The following SLC2A13 variants were observed in gnomAD, a reference collection of about 807,000 sequenced individuals.
SLC2A13 encodes proton myo-inositol cotransporter.
A neutral mutation model predicts 64.4 loss-of-function variants in SLC2A13; 32 were observed. The ratio of observed to expected loss-of-function variants is 0.50; its 90% CI spans 0.37 to 0.67. SLC2A13 has a LOEUF of 0.67. Among genes scored for constraint, SLC2A13 ranks in the 30% least tolerant of loss-of-function variants. SLC2A13 has a pLI of 0.00. For missense variants in SLC2A13, 743 were observed against 829.2 expected, an observed-to-expected ratio of 0.90 and a Z score of 1.28; for synonymous variants, 338 against 327.1, an observed-to-expected ratio of 1.03 and a Z score of -0.36.
At chr12:39,865,434 G>A (rs543188773) in intron 5 of SLC2A13, among the ~76,000 whole-genome samples, 1 of 152,152 alleles carries the variant, frequency 6.6e-6, no homozygotes, top group Non-Finnish European at 1.5e-5. Flanking sequence ...TAAAGTACCA[G>A]AAATAATATA....
chr12:39,959,371 G>T (rs1946370672), intron 3 of SLC2A13, among the ~76,000 whole-genome samples: 1 of 152,222 alleles, frequency 6.6e-6, no homozygotes, highest in Non-Finnish European at 1.5e-5. Context: ...CAATCAATTT[G>T]CCAAGATGTT....
At chr12:40,040,568 T>C (rs1160825800) in intron 2 of SLC2A13, among the ~76,000 whole-genome samples, 1 of 152,200 alleles carries the variant, frequency 6.6e-6, no homozygotes, top group Non-Finnish European at 1.5e-5. Context: ...TTTTTCTATT[T>C]TTTGGTAGAG....
intron 1 of SLC2A13, among the ~76,000 whole-genome samples, chr12:40,086,526 T>A (rs1380822077): frequency 6.6e-6 from 1 of 152,200 alleles, no homozygotes; most frequent in East Asian, 1.9e-4. Context: ...TAGCTACATG[T>A]CTATTTCATC....
intron 7 of SLC2A13, among the ~76,000 whole-genome samples, chr12:39,775,921 A>G (rs950483501): frequency 7.2e-5 from 11 of 152,334 alleles, no homozygotes; most frequent in African/African-American, 2.2e-4. Flanking sequence ...AAATGCTCCA[A>G]TGAGCGTTTC....
chr12:39,812,401 TCTTCCTTCCTTC>T (rs140557088), intron 7 of SLC2A13, among the ~76,000 whole-genome samples: 5 of 143,148 alleles, frequency 3.5e-5, no homozygotes, highest in South Asian at 2.2e-4. Flanking sequence ...TCTCTCTCTT[TCTTCCTTCCTTC>T]CTTCCTTCCT....
At chr12:39,870,551 G>T (rs748308230) in intron 5 of SLC2A13, among the ~76,000 whole-genome samples, 13 of 152,136 alleles carry the variant, frequency 8.5e-5, no homozygotes, top group Non-Finnish European at 1.8e-4. Context: ...CCTTTAGTCT[G>T]TTCTCCAGGC....
At position 39,852,643 on chromosome 12, in the gene SLC2A13, G is replaced by C. The variant is rs373408192; in HGVS notation, c.1319+12119C>G. Among the ~76,000 whole-genome samples, 97 of 152,242 alleles carry C rather than the reference G, an allele frequency of 6.4e-4. No individual in the cohort carries two copies. In the South Asian group the frequency reaches 0.018, roughly 28 times the overall value. ...TAAGGCTGATTCATGCTGACTTCTA[G>C]AACTAAATCAAAAGGAAAACCCCAA... On this transcript the variant is annotated intron_variant, in intron 6 of 9. Coordinates refer to ENST00000280871, the MANE Select transcript of SLC2A13 (RefSeq NM_052885.4).
At chr12:39,878,258 A>G (rs894125343) in intron 4 of SLC2A13, among the ~76,000 whole-genome samples, 1 of 152,230 alleles carries the variant, frequency 6.6e-6, no homozygotes, top group African/African-American at 2.4e-5. Context: ...AAAATACCTG[A>G]AAATGTGGAA....
At chr12:39,781,606 G>T (rs1433626059) in intron 7 of SLC2A13, among the ~76,000 whole-genome samples, 2 of 152,198 alleles carry the variant, frequency 1.3e-5, no homozygotes, top group Non-Finnish European at 2.9e-5. Context: ...AGGAGAGAAT[G>T]AATAAGTCAT....
intron 9 of SLC2A13, among the ~76,000 whole-genome samples, chr12:39,761,168 G>A (rs1940130263): frequency 6.6e-6 from 1 of 151,954 alleles, no homozygotes; most frequent in African/African-American, 2.4e-5. Flanking sequence ...GGAGTGGGAA[G>A]AACTGAGTTT....
intron 6 of SLC2A13, among the ~76,000 whole-genome samples, chr12:39,844,514 A>C (rs981803293): frequency 6.6e-6 from 1 of 152,112 alleles, no homozygotes; most frequent in Non-Finnish European, 1.5e-5. Flanking sequence ...ATAAAAGTTC[A>C]AAAGCAACTC....
intron 4 of SLC2A13, among the ~76,000 whole-genome samples, chr12:39,946,929 T>C (rs1034486204): frequency 2.0e-5 from 3 of 152,328 alleles, no homozygotes; most frequent in African/African-American, 4.8e-5. Context: ...TTCTTCTCCC[T>C]GTGGACTTTT....
At chr12:39,762,119 G>A (rs1444680916) in intron 9 of SLC2A13, among the ~76,000 whole-genome samples, 2 of 152,018 alleles carry the variant, frequency 1.3e-5, no homozygotes, top group African/African-American at 4.8e-5. Flanking sequence ...TGCCAAAACT[G>A]CCTACTCAGT....
At chr12:39,856,864 T>G (rs920889337) in intron 6 of SLC2A13, among the ~76,000 whole-genome samples, 1 of 152,236 alleles carries the variant, frequency 6.6e-6, no homozygotes, top group Non-Finnish European at 1.5e-5. Flanking sequence ...AATTAAAGAA[T>G]AGTTAAGTTT....
intron 4 of SLC2A13, among the ~76,000 whole-genome samples, chr12:39,877,249 A>G (rs1261523317): frequency 6.6e-6 from 1 of 152,186 alleles, no homozygotes; most frequent in Non-Finnish European, 1.5e-5. Context: ...ATGGCTAGGG[A>G]GGCCTCACAA....
rs745643692 is a variant in SLC2A13 at position 39,951,289 on chromosome 12, C to T, written c.1002G>A (p.Met334Ile). 1.2e-5 allele frequency: 20 copies of T among 1,613,452 alleles called. No homozygotes were observed. The highest frequency in any genetic ancestry group is 1.7e-5 in the Admixed American group (1 of 59,938). Residue 334 changes from methionine (M) to isoleucine (I), a missense_variant, in exon 4 of 10, where the codon ATG becomes ATA. Physicochemically the swap from Met to Ile is conservative, Grantham distance 10. Around this residue, in one of 2 missense-constraint regions of SLC2A13, gnomAD observed 295 missense variants for 381.7 expected, o/e 0.77. Transcript: ENST00000280871. ...RALIVGCGLQ[M>I]FQQLSGINTI... is the part of the protein sequence containing the mutation. ...TGTTAATGCCTGAGAGCTGCTGGAACATTTGTAGGCCACAACCCACAATTA... is the reference window on the plus strand; with the variant it reads ...TGTTAATGCCTGAGAGCTGCTGGAATATTTGTAGGCCACAACCCACAATTA...
rs534328184 is a variant in SLC2A13 at position 39,830,010 on chromosome 12, G to A, written c.1445+93C>T. ...TGTAGTTATGAAGGCCAGTTTAAAA[G>A]AACTGCTATAAGTGCAAGCACTCTG... is the stretch of plus-strand genomic sequence containing the variant. On this transcript the variant is annotated intron_variant, in intron 7 of 9. Coordinates refer to ENST00000280871, the MANE Select transcript of SLC2A13 (RefSeq NM_052885.4). 428 of 1,503,404 alleles carry A rather than the reference G, an allele frequency of 2.8e-4. 1 individual carries two copies. In the African/African-American group the frequency reaches 5.3e-3, roughly 19 times the overall value. The allele number at this position is 1,503,404 out of a possible 1,614,324, so 93.1% of individuals were successfully genotyped here.
intron 4 of SLC2A13, among the ~76,000 whole-genome samples, chr12:39,946,812 T>C (rs1230280374): frequency 6.6e-6 from 1 of 152,230 alleles, no homozygotes; most frequent in Non-Finnish European, 1.5e-5. Context: ...AAAAGGGCTT[T>C]AGTTTTTCCC....
intron 1 of SLC2A13, among the ~76,000 whole-genome samples, chr12:40,080,720 A>T (rs150247899): frequency 6.6e-6 from 1 of 152,276 alleles, no homozygotes; most frequent in Non-Finnish European, 1.5e-5. Flanking sequence ...GTTAATATTG[A>T]TGTTAAGATT....
Sources: allele counts gnomAD v4.1 joint callset (sites outside exome capture counted in the v4.1 genomes callset), GRCh38; gene constraint gnomAD v4.1.1; regional missense constraint gnomAD v4.1.1; transcripts MANE v1.5; gene names NCBI Gene and HGNC (gene_info 2026-07-23, HGNC 2026-07-21).